Variants in CHMP4C observed in about 807,000 individuals in gnomAD.
CHMP4C encodes charged multivesicular body protein 4C.
In CHMP4C, 28 loss-of-function variants were observed where a neutral mutation model predicts 29.0. The observed-to-expected ratio is 0.97, with a 90% confidence interval of 0.72 to 1.32. CHMP4C has a LOEUF of 1.32. CHMP4C is among the 40% of genes most tolerant of loss of function. The pLI is 0.00. For missense variants in CHMP4C, 291 were observed against 281.0 expected (o/e 1.04, Z -0.25); for synonymous variants, 106 against 102.4 (o/e 1.04, Z -0.21).
intron 3 of CHMP4C, among the ~76,000 whole-genome samples, chr8:81,757,833 G>A (rs1048970777): frequency 6.6e-5 from 10 of 152,180 alleles, no homozygotes; most frequent in Non-Finnish European, 1.0e-4. Context: ...GAACACATTG[G>A]AAAGATGACA....
intron 1 of CHMP4C, among the ~76,000 whole-genome samples, chr8:81,752,049 C>T (rs1053829875): frequency 2.0e-5 from 3 of 151,542 alleles, no homozygotes; most frequent in African/African-American, 7.3e-5. Context: ...TCTTTGTGCA[C>T]CATGGAAAAA....
intron 3 of CHMP4C, 55 bp downstream of exon 3, chr8:81,755,539 C>T (rs1390233493): frequency 8.9e-6 from 9 of 1,008,964 alleles, no homozygotes; most frequent in Non-Finnish European, 1.1e-5. Context: ...AGAGTAGCTT[C>T]CTGTCATATA....
rs1808998539 is a variant in CHMP4C at position 81,758,372 on chromosome 8, G to A, written c.637+77G>A. ...GCCAGGCCCATTCTTTTTAGCACAT[G>A]TTTTTGATTTCAAACTGAACACATT... On this transcript the variant is annotated intron_variant, in intron 4 of 4. Coordinates refer to ENST00000297265, the MANE Select transcript of CHMP4C (RefSeq NM_152284.4). 6 of 1,581,428 alleles carry A rather than the reference G, an allele frequency of 3.8e-6. No individual in the cohort carries two copies. In the East Asian group the frequency reaches 1.3e-4, roughly 35 times the overall value.
At chr8:81,737,303 C>T (rs1216191568) in intron 1 of CHMP4C, among the ~76,000 whole-genome samples, 2 of 152,114 alleles carry the variant, frequency 1.3e-5, no homozygotes, top group Non-Finnish European at 2.9e-5. Flanking sequence ...AAAGTGCCCC[C>T]ACCTGATTCT....
At chr8:81,733,139 AT>A (rs1808641243) in intron 1 of CHMP4C, among the ~76,000 whole-genome samples, 1 of 152,202 alleles carries the variant, frequency 6.6e-6, no homozygotes, top group African/African-American at 2.4e-5. Flanking sequence ...CAAGATTGGT[AT>A]TGATTTTTTT....
intron 1 of CHMP4C, among the ~76,000 whole-genome samples, chr8:81,742,361 T>G (rs1585942582): frequency 6.6e-6 from 1 of 152,218 alleles, no homozygotes; most frequent in Admixed American, 6.6e-5. Flanking sequence ...CATTCTCTGT[T>G]AACAGTTGGG....
In CHMP4C at chr8:81,734,392, G is replaced by A. The variant is rs148551338; in HGVS notation, c.190+1576G>A. On this transcript the variant is annotated intron_variant, in intron 1 of 4. Coordinates refer to ENST00000297265, the MANE Select transcript of CHMP4C (RefSeq NM_152284.4). ...GTTGCCCAGGCTGGAGTGCAATGGC[G>A]CGATCTTGGCTCACCGCAACCTCTG... 4.1e-3 allele frequency among the ~76,000 whole-genome samples: 622 copies of A among 152,004 alleles called. 1 individual carries two copies. The highest frequency in any genetic ancestry group is 5.1e-3 in the Non-Finnish European group (349 of 67,938).
In CHMP4C at chr8:81,735,411, C is replaced by T. The variant is rs576070951; in HGVS notation, c.190+2595C>T. The stretch of plus-strand genomic sequence containing the variant: ...ACCTTCTAAATAAACCAGATAACTT[C>T]ATATACTTCATAACTTCATATACAT... On this transcript the variant is annotated intron_variant, in intron 1 of 4. Transcript: ENST00000297265. Among the ~76,000 whole-genome samples, 185 of 151,694 alleles carry T rather than the reference C, an allele frequency of 1.2e-3. 2 individuals are homozygous for T. The South Asian group carries it at 0.037, about 30-fold the overall frequency.
intron 1 of CHMP4C, among the ~76,000 whole-genome samples, chr8:81,737,132 T>C (rs1400135019): frequency 6.6e-6 from 1 of 152,234 alleles, no homozygotes; most frequent in Non-Finnish European, 1.5e-5. Flanking sequence ...TTATAGGTGG[T>C]AATCTACTTT....
intron 1 of CHMP4C, among the ~76,000 whole-genome samples, chr8:81,746,556 G>GA (rs1162698304): frequency 6.6e-6 from 1 of 152,124 alleles, no homozygotes; most frequent in African/African-American, 2.4e-5. Context: ...TCTCACAGGA[G>GA]AAAAAACAAA....
intron 1 of CHMP4C, among the ~76,000 whole-genome samples, chr8:81,736,022 G>T (rs1808683978): frequency 6.6e-6 from 1 of 151,788 alleles, no homozygotes. Flanking sequence ...GGAGGTGGAG[G>T]TTGCAGTGAG....
intron 1 of CHMP4C, among the ~76,000 whole-genome samples, chr8:81,738,298 A>T (rs1260426524): frequency 6.6e-6 from 1 of 152,178 alleles, no homozygotes; most frequent in African/African-American, 2.4e-5. Context: ...ACTCAATATC[A>T]TTACACACGA....
chr8:81,734,764 C>CA (rs1808665211), intron 1 of CHMP4C, among the ~76,000 whole-genome samples: 1 of 151,988 alleles, frequency 6.6e-6, no homozygotes, highest in Admixed American at 6.6e-5. Flanking sequence ...CTTCAATTGG[C>CA]AATGCACAAA....
chr8:81,756,008 G>T (rs1048087381), intron 3 of CHMP4C, among the ~76,000 whole-genome samples: 7 of 152,152 alleles, frequency 4.6e-5, no homozygotes, highest in Non-Finnish European at 7.3e-5. Context: ...TCTGCACTGT[G>T]AATTTCAATT....
chr8:81,737,756 G>A (rs937770691), intron 1 of CHMP4C, among the ~76,000 whole-genome samples: 7 of 152,184 alleles, frequency 4.6e-5, no homozygotes, highest in Admixed American at 1.3e-4. Flanking sequence ...CCTCGGAGTT[G>A]TGGGGATGAA....
chr8:81,745,465 C>T (rs537707890), intron 1 of CHMP4C, among the ~76,000 whole-genome samples: 5 of 152,246 alleles, frequency 3.3e-5, no homozygotes, highest in Middle Eastern at 6.8e-3. Flanking sequence ...GAACGAAGAA[C>T]AGGTTGACTT....
intron 2 of CHMP4C, among the ~76,000 whole-genome samples, chr8:81,755,117 T>C (rs1808953750): frequency 6.6e-6 from 1 of 152,166 alleles, no homozygotes; most frequent in Non-Finnish European, 1.5e-5. Context: ...CAAATAGTGA[T>C]AGTTATAAAA....
At chr8:81,735,770 A>C (rs933265243) in intron 1 of CHMP4C, among the ~76,000 whole-genome samples, 3 of 152,172 alleles carry the variant, frequency 2.0e-5, no homozygotes, top group African/African-American at 7.2e-5. Flanking sequence ...GTAAAATGAA[A>C]AACTTTTAAT....
intron 1 of CHMP4C, among the ~76,000 whole-genome samples, chr8:81,742,981 T>A (rs1008765005): frequency 2.0e-5 from 3 of 152,094 alleles, no homozygotes; most frequent in Non-Finnish European, 2.9e-5. Flanking sequence ...TCAAGGTAAA[T>A]CTATTCTTAA....
Sources: allele counts gnomAD v4.1 joint callset (sites outside exome capture counted in the v4.1 genomes callset), GRCh38; gene constraint gnomAD v4.1.1; transcripts MANE v1.5; gene names NCBI Gene and HGNC (gene_info 2026-07-23, HGNC 2026-07-21).